WWP1: variants seen among roughly 807,000 people sequenced by gnomAD.
WWP1 encodes NEDD4-like E3 ubiquitin-protein ligase WWP1.
A neutral mutation model predicts 130.6 loss-of-function variants in WWP1; 49 were observed. The observed-to-expected ratio is 0.38, with a 90% CI of 0.30 to 0.48. WWP1 has a LOEUF of 0.48. Among genes scored for constraint, WWP1 ranks in the 20% least tolerant of loss-of-function variants. The pLI, the probability that WWP1 is intolerant of heterozygous loss-of-function variation, is 0.99. For missense variants in WWP1, 809 were observed against 1,100.6 expected (o/e 0.74, Z 3.75); for synonymous variants, 332 against 367.8 (o/e 0.90, Z 1.11).
At chr8:86,380,996 T>C in intron 4 of WWP1, 132 bp downstream of exon 4, 1 of 1,199,610 alleles carries the variant, frequency 8.3e-7, no homozygotes, top group South Asian at 2.5e-5. Context: ...ATTTAAAGTA[T>C]GGAGAAATTT....
Position 86,398,353 on chromosome 8 carries a change from A to G in WWP1, c.346A>G (p.Lys116Glu). 1 of 1,597,314 alleles carries G rather than the reference A, an allele frequency of 6.3e-7. No individual in the cohort carries two copies. The highest frequency in any genetic ancestry group is 8.5e-7 in the Non-Finnish European group (1 of 1,169,892). The change falls in exon 6 of 25, where the codon AAA (lysine) becomes GAA (glutamate). Residue 116 changes from lysine to glutamate, a missense_variant. Physicochemically the swap from Lys to Glu is moderately conservative, Grantham distance 56 (BLOSUM62 1). Around this residue, in one of 3 missense-constraint regions of WWP1, gnomAD observed 262 missense variants for 346.0 expected, o/e 0.76. Transcript: ENST00000517970. ...LIHNRKLERV[K>E]EQLKLSLENK... is the part of the protein sequence containing the mutation. ...ATTCTTCTTTCTAGTGGAAAGAGTG[A>G]AAGAACAATTAAAACTTTCCTTGGA... is the stretch of plus-strand genomic sequence containing the variant.
At chr8:86,445,781 A>G (rs550671935) in intron 18 of WWP1, among the ~76,000 whole-genome samples, 5 of 151,904 alleles carry the variant, frequency 3.3e-5, no homozygotes, top group African/African-American at 7.3e-5. Context: ...AACAAAGTAT[A>G]TGTCTCTTTT....
Position 86,411,541 on chromosome 8 carries a change from A to G in WWP1, c.728A>G (p.Asn243Ser). 6.2e-7 allele frequency: 1 copy of G among 1,609,090 alleles called. No homozygotes were observed. The highest frequency in any genetic ancestry group is 8.5e-7 in the Non-Finnish European group (1 of 1,176,638). ...TTTATTAATTTTCCCTTCTCAGTTA[A>G]TGGAGAATCATCCTCATTTGCACCA... ...LASEPADDTV[N>S]GESSSFAPTD... The change falls in exon 9 of 25, where the codon AAT becomes AGT. Residue 243 changes from asparagine (N) to serine (S), a missense_variant. Asn to Ser is a conservative substitution (Grantham distance 46, BLOSUM62 1). Around this residue, in one of 3 missense-constraint regions of WWP1, gnomAD observed 262 missense variants for 346.0 expected, o/e 0.76. Transcript: ENST00000517970.
At chr8:86,466,396 C>T (rs1465463942) in intron 24 of WWP1, among the ~76,000 whole-genome samples, 2 of 151,892 alleles carry the variant, frequency 1.3e-5, no homozygotes, top group African/African-American at 4.8e-5. Flanking sequence ...CACTGTATCA[C>T]TAGCTTATCA....
At chr8:86,423,222 A>T (rs1809334086) in intron 9 of WWP1, among the ~76,000 whole-genome samples, 2 of 151,782 alleles carry the variant, frequency 1.3e-5, no homozygotes, top group South Asian at 2.1e-4. Context: ...TTATTTATTT[A>T]TTTTATTTAT....
intron 3 of WWP1, 57 bp from the exon 4 acceptor site, chr8:86,380,669 G>T: frequency 6.7e-7 from 1 of 1,503,494 alleles, no homozygotes; most frequent in Non-Finnish European, 8.9e-7. Context: ...TGATTGATTA[G>T]TGTGCAGTAC....
chr8:86,452,274 A>G (rs1032967531), intron 20 of WWP1, among the ~76,000 whole-genome samples: 5 of 152,204 alleles, frequency 3.3e-5, no homozygotes, highest in African/African-American at 1.2e-4. Context: ...CTTACTAAAT[A>G]GTGAAGAACC....
chr8:86,450,249 C>G (rs1811104292), intron 20 of WWP1, among the ~76,000 whole-genome samples: 1 of 152,168 alleles, frequency 6.6e-6, no homozygotes, highest in South Asian at 2.1e-4. Context: ...AACCAGTCAT[C>G]TCTGAGTGAG....
At chr8:86,368,405 C>T (rs1010348800) in intron 1 of WWP1, among the ~76,000 whole-genome samples, 2 of 152,090 alleles carry the variant, frequency 1.3e-5, no homozygotes, top group African/African-American at 2.4e-5. Flanking sequence ...TTTTCAGATT[C>T]TTGTTTTTTT....
chr8:86,414,366 C>T (rs1808759351), intron 9 of WWP1, among the ~76,000 whole-genome samples: 1 of 152,054 alleles, frequency 6.6e-6, no homozygotes, highest in Admixed American at 6.6e-5. Flanking sequence ...TTAAAAGCCA[C>T]TAATCCAGGG....
Position 86,342,552 on chromosome 8 carries a change from G to C in WWP1, c.-493G>C, listed in dbSNP as rs943368749. 2.0e-5 allele frequency among the ~76,000 whole-genome samples: 3 copies of C among 151,702 alleles called. No homozygotes were observed. Among genetic ancestry groups the C allele is most frequent in the African/African-American group, 7.3e-5 (3 of 41,346 alleles). ...CGCATGCTCGGGGGAGGCGGATTCC[G>C]GGTCCGGAGTTGGAGGCTTTGGGCG... On this transcript the variant is annotated 5_prime_UTR_variant, in exon 1 of 25. Coordinates refer to ENST00000517970, the MANE Select transcript of WWP1 (RefSeq NM_007013.4).
At chr8:86,381,003 A>AT in intron 4 of WWP1, 139 bp downstream of exon 4, 2 of 1,173,380 alleles carry the variant, frequency 1.7e-6, no homozygotes, top group Non-Finnish European at 2.2e-6. Context: ...GTATGGAGAA[A>AT]TTTTTGGTTA....
At chr8:86,434,305 C>A (rs1810162878) in intron 14 of WWP1, among the ~76,000 whole-genome samples, 1 of 152,234 alleles carries the variant, frequency 6.6e-6, no homozygotes, top group Non-Finnish European at 1.5e-5. Flanking sequence ...CTTATCTCTT[C>A]AACCTCCTCT....
chr8:86,362,178 A>AGG (rs1563465931), intron 1 of WWP1, among the ~76,000 whole-genome samples: 2 of 124,570 alleles, frequency 1.6e-5, no homozygotes, highest in Non-Finnish European at 3.3e-5. Flanking sequence ...ATATATATAT[A>AGG]TATATATATA....
At chr8:86,361,963 A>AGT (rs376616908) in intron 1 of WWP1, among the ~76,000 whole-genome samples, 48,907 of 133,830 alleles carry the variant, frequency 0.37, 10,247 homozygotes, top group Non-Finnish European at 0.49. Context: ...AAATATGCCT[A>AGT]GTGTGTGTGT....
rs375579702 is a variant in WWP1 at position 86,412,914 on chromosome 8, C to T, written c.1061+1040C>T. On this transcript the variant is annotated intron_variant, in intron 9 of 24. Transcript: ENST00000517970. ...CACGATCTTGGCTCACTGCAACTTC[C>T]GCCTCCCAGGTTCAAGTGAGTCTGC... Among the ~76,000 whole-genome samples the T allele has an allele frequency of 7.4e-4, 112 of 152,150 alleles. 1 individual carries two copies. The highest frequency in any genetic ancestry group is 2.6e-3 in the African/African-American group (109 of 41,522).
intron 21 of WWP1, among the ~76,000 whole-genome samples, chr8:86,456,953 A>G (rs1811480422): frequency 6.6e-6 from 1 of 151,990 alleles, no homozygotes; most frequent in South Asian, 2.1e-4. Flanking sequence ...TTGATCACCT[A>G]AAACTAGAGA....
At chr8:86,353,875 T>C (rs891452739) in intron 1 of WWP1, among the ~76,000 whole-genome samples, 6 of 152,236 alleles carry the variant, frequency 3.9e-5, no homozygotes, top group Admixed American at 2.0e-4. Context: ...GTCTATGCCC[T>C]GTGAAATATT....
chr8:86,431,225 GTTATATTCTCTATAATATATA>G (rs1364517891), intron 12 of WWP1, among the ~76,000 whole-genome samples, 160 bp from the exon 13 acceptor site: 1 of 137,172 alleles, frequency 7.3e-6, no homozygotes, highest in Non-Finnish European at 1.5e-5. Context: ...TATAATATAT[GTTATATTCTCTATAATATATA>G]TTATATTCTA....
Sources: allele counts gnomAD v4.1 joint callset (sites outside exome capture counted in the v4.1 genomes callset), GRCh38; gene constraint gnomAD v4.1.1; regional missense constraint gnomAD v4.1.1; transcripts MANE v1.5; gene names NCBI Gene and HGNC (gene_info 2026-07-23, HGNC 2026-07-21).